The following CEP104 variants were observed in gnomAD, a reference collection of about 807,000 sequenced individuals.
CEP104 encodes the protein centrosomal protein 104.
In CEP104, 84 loss-of-function variants were observed where a neutral mutation model predicts 113.3. That is an observed-to-expected ratio of 0.74 (90% CI 0.62 to 0.89). The LOEUF is 0.89. Ranked by LOEUF, CEP104 falls within the 40% of genes least tolerant of loss-of-function variation. The pLI, the probability that CEP104 is intolerant of heterozygous loss-of-function variation, is 0.00. For synonymous variants in CEP104, 378 were observed against 421.7 expected, an observed-to-expected ratio of 0.90 and a Z score of 1.27; for missense variants, 1,053 against 1,156.6, an observed-to-expected ratio of 0.91 and a Z score of 1.30.
intron 21 of CEP104, 91 bp downstream of exon 21, chr1:3,816,189 C>A (rs1643877516): frequency 1.8e-6 from 2 of 1,115,982 alleles, no homozygotes; most frequent in Admixed American, 2.5e-5. Flanking sequence ...GGGATGGGGT[C>A]TTGCCATGTT....
intron 21 of CEP104, among the ~76,000 whole-genome samples, chr1:3,815,918 C>T (rs1643873335): frequency 6.6e-6 from 1 of 152,178 alleles, no homozygotes; most frequent in Non-Finnish European, 1.5e-5. Flanking sequence ...AAGTGATCTG[C>T]CTGCCTTAGC....
intron 20 of CEP104, among the ~76,000 whole-genome samples, chr1:3,817,312 A>G (rs1643894951): frequency 6.6e-6 from 1 of 152,172 alleles, no homozygotes; most frequent in South Asian, 2.1e-4. Context: ...AGTGCACTCC[A>G]GCCCGGGCAA....
rs1644198254 is a variant in CEP104 at position 3,831,107 on chromosome 1, G to T, written c.1775C>A (p.Ala592Asp). Residue 592 changes from alanine to aspartate, a missense_variant, in exon 13 of 22, where the codon GCC becomes GAC. Physicochemically the swap from Ala to Asp is moderately radical, Grantham distance 126 (BLOSUM62 -2). Coordinates refer to ENST00000378230, the MANE Select transcript of CEP104 (RefSeq NM_014704.4). Reference sequence around the variant, plus strand: ...AGTGCCCAGGTCTTTCAGCAGCCGGGCCAGGAGGCCCATCTGACTCATTGC... The same window carrying T: ...AGTGCCCAGGTCTTTCAGCAGCCGGTCCAGGAGGCCCATCTGACTCATTGC... ...HLAMSQMGLL[A>D]RLLKDLGTGS... 6.2e-7 allele frequency: 1 copy of T among 1,614,108 alleles called. No individual in the cohort carries two copies. Among genetic ancestry groups the T allele is most frequent in the African/African-American group, 1.3e-5 (1 of 74,936 alleles).
chr1:3,851,047 G>T (rs1399707680), intron 2 of CEP104, among the ~76,000 whole-genome samples: 1 of 152,132 alleles, frequency 6.6e-6, no homozygotes, highest in African/African-American at 2.4e-5. Flanking sequence ...GCGCTGGGCT[G>T]CCCCCGTGGG....
intron 6 of CEP104, among the ~76,000 whole-genome samples, chr1:3,842,520 G>A (rs2124682321): frequency 1.3e-5 from 2 of 152,362 alleles, no homozygotes; most frequent in South Asian, 4.1e-4. Context: ...AAGGCTCGCT[G>A]TCCACCAGTG....
chr1:3,852,565 AT>A (rs913697739), intron 1 of CEP104, 144 bp from the exon 2 acceptor site: 489 of 714,910 alleles, frequency 6.8e-4, no homozygotes, highest in South Asian at 9.3e-4. Context: ...AAAAGAGTCT[AT>A]TTTTTTTTGT....
rs752482542 is a variant in CEP104, at chr1:3,823,397, C to A, written c.2503+27G>T. 1 of 1,614,128 alleles carries A rather than the reference C, an allele frequency of 6.2e-7. No homozygotes were observed. The highest frequency in any genetic ancestry group is 1.7e-5 in the Admixed American group (1 of 60,028). ...AAGAGGACCCCTGGTGACCCGAGGG[C>A]ACGGGAGCCTGGGAAGGGGCACTCA... On this transcript the variant is annotated intron_variant, in intron 19 of 21. Coordinates refer to ENST00000378230, the MANE Select transcript of CEP104 (RefSeq NM_014704.4). The surrounding 1 kb of genome is among the most constrained non-coding windows in gnomAD (Gnocchi z 4.1).
chr1:3,844,709 G>A (rs6658780), intron 6 of CEP104, among the ~76,000 whole-genome samples, 198 bp downstream of exon 6: 80 of 92,706 alleles, frequency 8.6e-4, no homozygotes, highest in South Asian at 1.8e-3. Flanking sequence ...AAAAAAAAAG[G>A]AAAAAAATAA....
chr1:3,854,277 G>A (rs977685620), intron 1 of CEP104, among the ~76,000 whole-genome samples: 1 of 151,896 alleles, frequency 6.6e-6, no homozygotes, highest in Non-Finnish European at 1.5e-5. Flanking sequence ...GTGTGAACGT[G>A]CCTCAGGCCC....
At chr1:3,821,270 T>C (rs532359789) in intron 20 of CEP104, among the ~76,000 whole-genome samples, 53 of 152,372 alleles carry the variant, frequency 3.5e-4, no homozygotes, top group African/African-American at 1.2e-3. Context: ...AGGCTAGAGC[T>C]GGGATAATTC....
Position 3,831,055 on chromosome 1 carries a change from G to A in CEP104, c.1827C>T (p.Asn609=), listed in dbSNP as rs572314680. ...CGCGAGGTCTGCTTACCTTCATCAC[G>A]TTGTCAATGGTGAAGCCCGAGCTGC... ...GTGSSGFTID[N]VMKFSVSALE... Residue 609 remains asparagine, a synonymous_variant, in exon 13 of 22, where the codon AAC becomes AAT. Coordinates refer to ENST00000378230, the MANE Select transcript of CEP104 (RefSeq NM_014704.4). The A allele has an allele frequency of 9.9e-6, 16 of 1,613,494 alleles. No individual in the cohort carries two copies. The highest frequency in any genetic ancestry group is 2.2e-5 in the East Asian group (1 of 44,866).
Position 3,823,691 on chromosome 1 carries a change from C to G in CEP104, c.2365-129G>C. On this transcript the variant is annotated intron_variant, in intron 18 of 21. Coordinates refer to ENST00000378230, the MANE Select transcript of CEP104 (RefSeq NM_014704.4). The surrounding 1 kb of genome is among the most constrained non-coding windows in gnomAD (Gnocchi z 4.1). ...TGCCGCCTGCACATGAAGTAAGCCACAGGCTTCTATCTTCGGCATTTGCCC... is the reference window on the plus strand; with the variant it reads ...TGCCGCCTGCACATGAAGTAAGCCAGAGGCTTCTATCTTCGGCATTTGCCC... The G allele has an allele frequency of 1.8e-6, 2 of 1,099,444 alleles. No homozygotes were observed. The highest frequency in any genetic ancestry group is 2.6e-6 in the Non-Finnish European group (2 of 755,456). The allele number at this position is 1,099,444 out of a possible 1,614,324, so 68.1% of individuals were successfully genotyped here. A position where few individuals can be genotyped will look rare whatever the true frequency, so the allele number is the denominator to read the frequency against.
intron 6 of CEP104, among the ~76,000 whole-genome samples, chr1:3,843,745 G>T (rs12145992): frequency 1.3e-5 from 2 of 151,136 alleles, no homozygotes; most frequent in Non-Finnish European, 2.9e-5. Context: ...GGTAGAGAGA[G>T]ATTGGTAAAA....
intron 9 of CEP104, 77 bp downstream of exon 9, chr1:3,837,215 A>C: frequency 1.6e-6 from 2 of 1,243,050 alleles, no homozygotes; most frequent in Non-Finnish European, 2.3e-6. Flanking sequence ...CATGCATGGG[A>C]ACAGCACCTG....
At position 3,844,929 on chromosome 1, in the gene CEP104, C is replaced by T. The variant is rs1570836861; in HGVS notation, c.544G>A (p.Ala182Thr). 1 of 1,614,068 alleles carries T rather than the reference C, an allele frequency of 6.2e-7. No individual in the cohort carries two copies. The highest frequency in any genetic ancestry group is 8.5e-7 in the Non-Finnish European group (1 of 1,179,980). ...HYLGHNSEDP[A>T]LEGTYARKSD... ...TACCTGGCGTACGTTCCTTCTAGAGCAGGGTCCTCGCTGTTGTGCCCAAGG... is the reference window on the plus strand; with the variant it reads ...TACCTGGCGTACGTTCCTTCTAGAGTAGGGTCCTCGCTGTTGTGCCCAAGG... The change falls in exon 6 of 22, where the codon GCT becomes ACT. Residue 182 changes from alanine (A) to threonine (T), a missense_variant. Transcript: ENST00000378230.
chr1:3,839,479 T>C (rs913004609), intron 7 of CEP104, 129 bp downstream of exon 7: 55 of 853,416 alleles, frequency 6.4e-5, no homozygotes, highest in Non-Finnish European at 9.4e-5. Flanking sequence ...TTTATTTTGC[T>C]GAGATCTTTG....
intron 4 of CEP104, among the ~76,000 whole-genome samples, chr1:3,847,220 C>T (rs1302392372): frequency 6.6e-6 from 1 of 152,236 alleles, no homozygotes; most frequent in Non-Finnish European, 1.5e-5. Flanking sequence ...TCCTTTTGTA[C>T]TGAGTCTCTG....
Position 3,815,439 on chromosome 1 carries a change from A to G in CEP104, c.2741T>C (p.Leu914Pro), listed in dbSNP as rs1278149152. 6.2e-7 allele frequency: 1 copy of G among 1,613,250 alleles called. No individual in the cohort carries two copies. The highest frequency in any genetic ancestry group is 8.5e-7 in the Non-Finnish European group (1 of 1,179,900). Reference protein sequence around the residue: ...GSKIPTPKGGLSKSSSRTYAK... With the variant: ...GSKIPTPKGGPSKSSSRTYAK... ...GTACGTCCTGCTGGAGCTCTTGCTCAGTCCGCCCTTCGGGGTGGGGATCTT... is the reference window on the plus strand; with the variant it reads ...GTACGTCCTGCTGGAGCTCTTGCTCGGTCCGCCCTTCGGGGTGGGGATCTT... The change falls in exon 22 of 22, where the codon CTG (leucine) becomes CCG (proline). Residue 914 changes from leucine to proline, a missense_variant. By Grantham distance (98) the Leu-to-Pro change is moderately conservative. Coordinates refer to ENST00000378230, the MANE Select transcript of CEP104 (RefSeq NM_014704.4).
chr1:3,824,180 G>A (rs4233021), intron 18 of CEP104, among the ~76,000 whole-genome samples: 92,011 of 151,766 alleles, frequency 0.61, 28,477 homozygotes, highest in African/African-American at 0.73. Flanking sequence ...TCTGCCTCCC[G>A]GGTTCAAGTG....
Sources: allele counts gnomAD v4.1 joint callset (sites outside exome capture counted in the v4.1 genomes callset), GRCh38; gene constraint gnomAD v4.1.1; non-coding constraint Gnocchi (gnomAD v3.1); transcripts MANE v1.5; gene names NCBI Gene and HGNC (gene_info 2026-07-23, HGNC 2026-07-21).